Variants in KIR3DL3 observed in about 807,000 individuals in gnomAD.
KIR3DL3 encodes the protein killer cell immunoglobulin like receptor, three Ig domains and long cytoplasmic tail 3, also known as killer cell immunoglobulin-like receptor 3DL3.
KIR3DL3 carries 27 observed loss-of-function variants against 34.9 expected under a neutral mutation model. The observed-to-expected ratio is 0.77, with a 90% CI of 0.57 to 1.07. KIR3DL3 has a LOEUF of 1.07. Ranked by LOEUF, KIR3DL3 falls within the 50% of genes least tolerant of loss-of-function variation. KIR3DL3 has a pLI of 0.00. For synonymous variants in KIR3DL3, 217 were observed against 200.2 expected (o/e 1.08, Z -0.71); for missense variants, 681 against 528.5 (o/e 1.29, Z -2.83).
rs141961795 is a variant in KIR3DL3 at position 54,735,872 on chromosome 19, G to A, written c.1107G>A (p.Glu369=). The A allele has an allele frequency of 1.2e-4, 195 of 1,606,914 alleles. 1 individual carries two copies. The African/African-American group carries it at 2.5e-3, about 21-fold the overall frequency. ...EPAGNRTVNR[E]DSDEQDPQEV... is the part of the protein sequence containing the mutation. ...CAGGGAACAGAACAGTGAACAGGGAGGTAGGTGCTCCTCCGCCCAGCCTCG... is the reference window on the plus strand; with the variant it reads ...CAGGGAACAGAACAGTGAACAGGGAAGTAGGTGCTCCTCCGCCCAGCCTCG... Residue 369 remains glutamate, a splice_region_variant and synonymous_variant, in exon 7 of 8, where the codon GAG becomes GAA. Transcript: ENST00000291860.
intron 3 of KIR3DL3, 31 bp from the exon 4 acceptor site, chr19:54,727,580 C>G (rs1459901408): frequency 1.3e-6 from 2 of 1,595,206 alleles, no homozygotes; most frequent in South Asian, 2.2e-5. Context: ...GAAAGGGAGA[C>G]GCCTTCTGAA....
intron 5 of KIR3DL3, among the ~76,000 whole-genome samples, chr19:54,732,083 C>G (rs1159056686): frequency 1.3e-5 from 2 of 152,098 alleles, no homozygotes; most frequent in Admixed American, 6.5e-5. Flanking sequence ...TCCTGCCTTC[C>G]ACAAATGGTA....
In KIR3DL3 at chr19:54,736,318, C is replaced by T; in HGVS notation, c.*222C>T. ...TCTGAACATGCCTCTCTCTTGCTTA[C>T]AAATGTCTAAGGTCCCCACTGCCTG... On this transcript the variant is annotated 3_prime_UTR_variant, in exon 8 of 8. Coordinates refer to ENST00000291860, the MANE Select transcript of KIR3DL3 (RefSeq NM_153443.5). 1.6e-6 allele frequency: 1 copy of T among 641,066 alleles called. No individual in the cohort carries two copies. The highest frequency in any genetic ancestry group is 2.7e-6 in the Non-Finnish European group (1 of 371,892). 39.7% of individuals were successfully genotyped at this position (641,066 alleles called of 1,614,324 possible).
intron 5 of KIR3DL3, among the ~76,000 whole-genome samples, chr19:54,730,497 G>T (rs1364594459): frequency 3.2e-4 from 48 of 151,238 alleles, no homozygotes; most frequent in Non-Finnish European, 6.9e-4. Context: ...GCACTTAATT[G>T]CAGGAGGCGG....
chr19:54,729,915 G>A (rs2068626751), intron 5 of KIR3DL3, 129 bp downstream of exon 5: 4 of 677,446 alleles, frequency 5.9e-6, no homozygotes, highest in African/African-American at 5.3e-5. Flanking sequence ...GTAAGGGCGG[G>A]GTCAGGGCGC....
chr19:54,733,420 G>A (rs1300988948), intron 5 of KIR3DL3, among the ~76,000 whole-genome samples: 2 of 152,120 alleles, frequency 1.3e-5, no homozygotes, highest in African/African-American at 2.4e-5. Flanking sequence ...TAATCCCAGC[G>A]ACTGGGGAGG....
intron 5 of KIR3DL3, 25 bp from the exon 6 acceptor site, chr19:54,735,228 T>G: frequency 6.9e-7 from 1 of 1,445,658 alleles, no homozygotes; most frequent in Non-Finnish European, 9.7e-7. Flanking sequence ...GATTAGCTTC[T>G]TATTGGTGTC....
intron 3 of KIR3DL3, among the ~76,000 whole-genome samples, chr19:54,726,564 C>G (rs1234695300): frequency 6.9e-6 from 1 of 145,242 alleles, no homozygotes; most frequent in African/African-American, 2.5e-5. Context: ...GGGCAGGGGA[C>G]TGAAGAGGAA....
intron 1 of KIR3DL3, among the ~76,000 whole-genome samples, chr19:54,724,824 A>T (rs1056091414): frequency 6.5e-5 from 9 of 137,970 alleles, no homozygotes; most frequent in Admixed American, 1.5e-4. Flanking sequence ...TGGAATTGAG[A>T]TACGGGCCTG....
intron 4 of KIR3DL3, among the ~76,000 whole-genome samples, chr19:54,728,997 AGAAAGAC>A (rs2068499480): frequency 8.1e-6 from 1 of 123,794 alleles, no homozygotes; most frequent in Non-Finnish European, 1.9e-5. Context: ...ATAGAGAGAT[AGAAAGAC>A]AGATAAACAC....
chr19:54,733,549 T>TTATAA (rs199755001), intron 5 of KIR3DL3, among the ~76,000 whole-genome samples: 33,943 of 151,894 alleles, frequency 0.22, 3,848 homozygotes, highest in Admixed American at 0.29. Flanking sequence ...ACATACATAA[T>TTATAA]TATGACACAC....
intron 6 of KIR3DL3, among the ~76,000 whole-genome samples, 164 bp from the exon 7 acceptor site, chr19:54,735,656 T>C (rs201957525): frequency 7.7e-6 from 1 of 129,344 alleles, no homozygotes; most frequent in Non-Finnish European, 1.7e-5. Flanking sequence ...GAGCTATACA[T>C]GGGATGGATC....
intron 5 of KIR3DL3, 152 bp downstream of exon 5, chr19:54,729,938 AG>A: frequency 1.9e-6 from 1 of 521,848 alleles, no homozygotes; most frequent in Non-Finnish European, 3.1e-6. Context: ...GATGGCAGAC[AG>A]GGCACCTCCA....
chr19:54,729,024 G>A (rs2068505724), intron 4 of KIR3DL3, among the ~76,000 whole-genome samples: 1 of 148,726 alleles, frequency 6.7e-6, no homozygotes, highest in African/African-American at 2.5e-5. Flanking sequence ...CATGATGATA[G>A]ATGGATAGAT....
chr19:54,729,575 C>T lies in KIR3DL3; in HGVS notation c.738C>T (p.Ser246=), dbSNP rs113504910. 8.6e-3 allele frequency: 13,770 copies of T among 1,606,534 alleles called. 880 individuals are homozygous for T. The African/African-American group carries it at 0.15, about 17-fold the overall frequency. Residue 246 remains serine (S), a synonymous_variant, in exon 5 of 8, where the codon TCC becomes TCT. Transcript: ENST00000291860. ...AGENVTLSCS[S]RSLFDIYHLS... is the part of the protein sequence containing the mutation. ...AGAATGTGACCTTGTCCTGCAGCTC[C>T]CGGAGCTTGTTTGACATTTACCATC...
At chr19:54,725,035 T>G (rs879134276) in intron 1 of KIR3DL3, among the ~76,000 whole-genome samples, 35 of 103,362 alleles carry the variant, frequency 3.4e-4, no homozygotes, top group African/African-American at 4.7e-4. Context: ...GCCTGGAGTG[T>G]AGATATGGGC....
At chr19:54,731,304 C>A (rs1464179083) in intron 5 of KIR3DL3, among the ~76,000 whole-genome samples, 1 of 152,106 alleles carries the variant, frequency 6.6e-6, no homozygotes, top group Middle Eastern at 3.4e-3. Context: ...CTGTGCCCGA[C>A]CTCATTTTAT....
intron 5 of KIR3DL3, among the ~76,000 whole-genome samples, chr19:54,732,610 G>A (rs1337047998): frequency 3.2e-4 from 48 of 152,346 alleles, no homozygotes; most frequent in African/African-American, 1.1e-3. Context: ...AGGTGACAGA[G>A]AAGGTCTCAC....
chr19:54,730,548 T>C (rs2068687717), intron 5 of KIR3DL3, among the ~76,000 whole-genome samples: 1 of 151,648 alleles, frequency 6.6e-6, no homozygotes, highest in Non-Finnish European at 1.5e-5. Context: ...CACTGCAGCC[T>C]GGGCAACAGA....
Sources: allele counts gnomAD v4.1 joint callset (sites outside exome capture counted in the v4.1 genomes callset), GRCh38; gene constraint gnomAD v4.1.1; transcripts MANE v1.5; gene names NCBI Gene and HGNC (gene_info 2026-07-23, HGNC 2026-07-21).